The following C10orf143 variants were observed in gnomAD, a reference collection of about 807,000 sequenced individuals.
C10orf143 encodes the protein uncharacterized protein C10orf143.
intron 1 of C10orf143, among the ~76,000 whole-genome samples, chr10:130,083,306 C>T (rs1290155711): frequency 1.3e-5 from 2 of 152,298 alleles, no homozygotes; most frequent in Admixed American, 6.5e-5. Context: ...AAAACAGGCA[C>T]CTCCTGCTTT....
At chr10:130,068,915 G>C (rs1446007715) in intron 3 of C10orf143, among the ~76,000 whole-genome samples, 1 of 152,072 alleles carries the variant, frequency 6.6e-6, no homozygotes, top group Non-Finnish European at 1.5e-5. Context: ...AGCTCCATCA[G>C]GTGTCCCAAC....
intron 3 of C10orf143, among the ~76,000 whole-genome samples, chr10:130,047,444 T>C (rs1384374221): frequency 6.6e-6 from 1 of 152,144 alleles, no homozygotes; most frequent in Non-Finnish European, 1.5e-5. Context: ...GCTGCGTACT[T>C]GGTAGGGAAG....
chr10:130,106,354 T>C, intron 1 of C10orf143: 7 of 1,601,262 alleles, frequency 4.4e-6, no homozygotes, highest in Non-Finnish European at 6.0e-6. Context: ...AAAAAGAGTA[T>C]GAAGACTATG....
chr10:130,055,951 G>GT (rs1491092415), intron 3 of C10orf143, among the ~76,000 whole-genome samples: 19 of 4,460 alleles, frequency 4.3e-3, no homozygotes, highest in Non-Finnish European at 9.7e-3. Context: ...GTCTCCAAAA[G>GT]TAAAAAAAAA....
intron 1 of C10orf143, among the ~76,000 whole-genome samples, chr10:130,089,082 A>G (rs1861340143): frequency 6.6e-6 from 1 of 152,236 alleles, no homozygotes; most frequent in Admixed American, 6.5e-5. Flanking sequence ...TGATATGAGC[A>G]AGCCAACACT....
intron 1 of C10orf143, among the ~76,000 whole-genome samples, chr10:130,088,689 G>A (rs181838128): frequency 4.6e-5 from 7 of 152,286 alleles, no homozygotes; most frequent in African/African-American, 1.4e-4. Context: ...CAGCTGATAC[G>A]GATGCCCATT....
At chr10:130,092,484 G>A (rs1460299866) in intron 1 of C10orf143, among the ~76,000 whole-genome samples, 2 of 152,100 alleles carry the variant, frequency 1.3e-5, no homozygotes, top group Non-Finnish European at 2.9e-5. Context: ...AAAGACCATC[G>A]ACAGTATGAA....
chr10:130,076,252 A>T (rs1359116277), intron 3 of C10orf143, among the ~76,000 whole-genome samples: 2 of 152,300 alleles, frequency 1.3e-5, no homozygotes, highest in East Asian at 3.9e-4. Flanking sequence ...ACTACTCTGC[A>T]GGAGCTATGT....
At chr10:130,059,209 A>G (rs766096822), downstream of C10orf143, among the ~76,000 whole-genome samples, 17 of 152,228 alleles carry the variant, frequency 1.1e-4, no homozygotes, top group Non-Finnish European at 2.5e-4. Flanking sequence ...TGTAATGTAG[A>G]TGACCTTGGG....
intron 3 of C10orf143, among the ~76,000 whole-genome samples, chr10:130,075,286 A>G (rs1461211074): frequency 2.6e-5 from 4 of 152,136 alleles, no homozygotes; most frequent in Non-Finnish European, 5.9e-5. Context: ...GATGGGCAAC[A>G]TTGAAGGGCC....
downstream of C10orf143, among the ~76,000 whole-genome samples, chr10:130,060,733 G>C (rs1423501856): frequency 3.4e-5 from 5 of 145,346 alleles, no homozygotes; most frequent in Admixed American, 2.9e-4. Context: ...TGAGGCAGGA[G>C]AATGGTGTGA....
chr10:130,064,707 T>A (rs1477022923), intron 3 of C10orf143, among the ~76,000 whole-genome samples: 3 of 152,106 alleles, frequency 2.0e-5, no homozygotes, highest in Non-Finnish European at 4.4e-5. Context: ...TTTAAAAAAA[T>A]GTCTAAATAT....
At chr10:130,100,408 T>TA (rs1249513756) in intron 1 of C10orf143, among the ~76,000 whole-genome samples, 1 of 151,968 alleles carries the variant, frequency 6.6e-6, no homozygotes, top group East Asian at 2.0e-4. Context: ...TGCGTGCCTG[T>TA]AGTCCCAGCT....
At chr10:130,061,914 G>A (rs1420053360), downstream of C10orf143, among the ~76,000 whole-genome samples, 1 of 152,098 alleles carries the variant, frequency 6.6e-6, no homozygotes, top group African/African-American at 2.4e-5. Context: ...CTGTGGCCAG[G>A]GATGACTCTG....
chr10:130,062,195 C>T (rs891068663), downstream of C10orf143, among the ~76,000 whole-genome samples: 1 of 152,168 alleles, frequency 6.6e-6, no homozygotes, highest in Non-Finnish European at 1.5e-5. Context: ...CAGTCACAAG[C>T]TCCTCCATTC....
chr10:130,061,799 T>A (rs770023577), downstream of C10orf143, among the ~76,000 whole-genome samples: 6 of 152,246 alleles, frequency 3.9e-5, no homozygotes, highest in Non-Finnish European at 7.3e-5. Flanking sequence ...TTAGTACCTG[T>A]GGTGCTGACA....
At chr10:130,035,559 C>T (rs145600807) in intron 4 of C10orf143, among the ~76,000 whole-genome samples, 80 of 152,336 alleles carry the variant, frequency 5.3e-4, no homozygotes, top group African/African-American at 1.7e-3. Flanking sequence ...GGCATTCAGG[C>T]AGCAACTCCC....
rs548623887 is a variant in C10orf143, at chr10:130,049,315, G to A, written c.298-13345C>T. ...GGCAAGCTCCCCCTCTGCCACTGGA[G>A]GGAACACTGTGCAGGGGCCCCTCGC... On this transcript the variant is annotated intron_variant and NMD_transcript_variant, in intron 3 of 5. Coordinates refer to the C10orf143 transcript ENST00000643056. 1.3e-4 allele frequency among the ~76,000 whole-genome samples: 20 copies of A among 152,342 alleles called. No individual in the cohort carries two copies. In the South Asian group the frequency reaches 4.1e-3, roughly 32 times the overall value.
At chr10:130,101,092 A>T (rs189779738) in intron 1 of C10orf143, 1 of 151,948 alleles carries the variant, frequency 6.6e-6, no homozygotes, top group East Asian at 1.9e-4. Context: ...GGTGGAGCGC[A>T]CCTGTAATCC....
Sources: allele counts gnomAD v4.1 joint callset (sites outside exome capture counted in the v4.1 genomes callset), GRCh38; gene constraint gnomAD v4.1.1; transcripts MANE v1.5; gene names NCBI Gene and HGNC (gene_info 2026-07-23, HGNC 2026-07-21).